The following C3 variants were observed in gnomAD, a reference collection of about 807,000 sequenced individuals.
C3 encodes C3 and PZP-like alpha-2-macroglobulin domain-containing protein 1.
In C3, 97 loss-of-function variants were observed where a neutral mutation model predicts 207.9. That is an observed-to-expected ratio of 0.47 (90% CI 0.40 to 0.55). C3 has a LOEUF of 0.55. C3 is among the 20% of genes least tolerant of loss of function. The probability of loss-of-function intolerance (pLI) is 0.00; values close to 1 mark genes in which losing one functional copy is unlikely to be tolerated. For missense variants in C3, 1,684 were observed against 2,171.7 expected, an observed-to-expected ratio of 0.78 and a Z score of 4.46; for synonymous variants, 848 against 857.6, an observed-to-expected ratio of 0.99 and a Z score of 0.20.
Position 6,692,932 on chromosome 19 carries a change from C to A in C3, c.3382G>T (p.Glu1128Ter). Residue 1128 changes from glutamate to a stop codon, truncating the protein, a stop_gained, in exon 26 of 41, where the codon GAA becomes TAA. Coordinates refer to ENST00000245907, the MANE Select transcript of C3 (RefSeq NM_000064.4). LOFTEE classifies it high-confidence loss of function. The part of the protein sequence containing the change: ...FQEDAPVIHQ[E>*]MIGGLRNNNE... ...AAATCCCAGCCTCTTACAATCATTTCTTGGTGTATCACGGGCGCATCCTCC... is the reference window on the plus strand; with the variant it reads ...AAATCCCAGCCTCTTACAATCATTTATTGGTGTATCACGGGCGCATCCTCC... 1 of 1,614,022 alleles carries A rather than the reference C, an allele frequency of 6.2e-7. No homozygotes were observed. Among genetic ancestry groups the A allele is most frequent in the Non-Finnish European group, 8.5e-7 (1 of 1,180,012 alleles).
chr19:6,710,515 GAA>G (rs1166880017), intron 13 of C3, 122 bp downstream of exon 13: 17 of 743,770 alleles, frequency 2.3e-5, no homozygotes, highest in Middle Eastern at 3.7e-4. Flanking sequence ...GAGAGGAAGA[GAA>G]GAGAGAGAAA....
intron 27 of C3, 84 bp from the exon 28 acceptor site, chr19:6,686,986 C>A: frequency 7.2e-7 from 1 of 1,395,408 alleles, no homozygotes. Context: ...ACTTCCTGAG[C>A]ATCAGGGATT....
rs1004622117 is a variant in C3 at position 6,690,541 on chromosome 19, T to C, written c.3489+88A>G. On this transcript the variant is annotated intron_variant, in intron 27 of 40. Transcript: ENST00000245907. ...GTTATTGCACTGGGAGAGCTGCAAA[T>C]TCCCTGAAGGCAACCTCTCACTCTC... The C allele has an allele frequency of 5.6e-5, 57 of 1,014,950 alleles. 1 individual carries two copies. Among genetic ancestry groups the C allele is most frequent in the Non-Finnish European group, 7.9e-5 (50 of 633,562 alleles). 62.9% of individuals were successfully genotyped at this position (1,014,950 alleles called of 1,614,324 possible).
In C3 at chr19:6,697,732, G is replaced by A. The variant is rs773167430; in HGVS notation, c.2503C>T (p.Leu835=). ...TCGTTTCGAACAACAGAGTAGGGTAGCCGCAGGTCGATGAAGAAGTCCTGC... is the reference window on the plus strand; with the variant it reads ...TCGTTTCGAACAACAGAGTAGGGTAACCGCAGGTCGATGAAGAAGTCCTGC... The part of the protein sequence containing the change: ...VMQDFFIDLR[L]PYSVVRNEQV... Residue 835 remains leucine, a synonymous_variant, in exon 20 of 41, where the codon CTA becomes TTA. Transcript: ENST00000245907. 3 of 1,614,070 alleles carry A rather than the reference G, an allele frequency of 1.9e-6. No individual in the cohort carries two copies. The South Asian group carries it at 3.3e-5, about 18-fold the overall frequency.
In C3 at chr19:6,697,083, C is replaced by T. The variant is rs2355317; in HGVS notation, c.2796+261G>A. Among the ~76,000 whole-genome samples the T allele has an allele frequency of 0.64, 80,567 of 125,472 alleles. 28,149 individuals carry two copies. The highest frequency in any genetic ancestry group is 0.84 in the East Asian group (3,885 of 4,600). 82.3% of individuals were successfully genotyped at this position (125,472 alleles called of 152,430 possible). A position where few individuals can be genotyped will look rare whatever the true frequency, so the allele number is the denominator to read the frequency against. ...AAATAAATAAATAAATAAAAAATTT[C>T]AAATCGAGTATAAAAAAATTATTGA... On this transcript the variant is annotated intron_variant, in intron 21 of 40. Transcript: ENST00000245907.
chr19:6,678,386 T>C lies in C3; in HGVS notation c.4700A>G (p.Gln1567Arg). 1 of 1,614,162 alleles carries C rather than the reference T, an allele frequency of 6.2e-7. No individual in the cohort carries two copies. Among genetic ancestry groups the C allele is most frequent in the South Asian group, 1.1e-5 (1 of 91,082 alleles). ...DFDEYIMAIE[Q>R]TIKSGSDEVQ... ...CTGAGCCTGACCTGACTTGATGGTC[T>C]GCTCAATGGCCATGATGTACTCGTC... The change falls in exon 39 of 41, where the codon CAG becomes CGG. Residue 1567 changes from glutamine to arginine, a missense_variant. By Grantham distance (43) the Gln-to-Arg change is conservative (BLOSUM62 1). Coordinates refer to ENST00000245907, the MANE Select transcript of C3 (RefSeq NM_000064.4).
chr19:6,682,428 G>A, intron 33 of C3, 199 bp from the exon 34 acceptor site: 6 of 585,238 alleles, frequency 1.0e-5, no homozygotes, highest in Non-Finnish European at 1.5e-5. Flanking sequence ...GTGATTAAGA[G>A]CTCAGACTCT....
intron 25 of C3, 52 bp from the exon 26 acceptor site, chr19:6,693,135 C>A: frequency 6.3e-7 from 1 of 1,598,682 alleles, no homozygotes; most frequent in South Asian, 1.1e-5. Context: ...CAGAGACTGC[C>A]ATGTCAACCA....
At chr19:6,693,164 G>A in intron 25 of C3, 81 bp from the exon 26 acceptor site, 1 of 1,525,540 alleles carries the variant, frequency 6.6e-7, no homozygotes, top group Middle Eastern at 2.0e-4. Context: ...GCGTGGGGGA[G>A]GGACCAGGGC....
At chr19:6,689,360 C>CCT (rs1218148901) in intron 27 of C3, among the ~76,000 whole-genome samples, 518 of 16,486 alleles carry the variant, frequency 0.031, 11 homozygotes, top group Non-Finnish European at 0.036. Flanking sequence ...TCCCTCCCTC[C>CCT]CTCTCTCTCT....
intron 19 of C3, among the ~76,000 whole-genome samples, chr19:6,698,826 G>A (rs960850358): frequency 1.3e-5 from 2 of 151,738 alleles, no homozygotes; most frequent in South Asian, 2.1e-4. Flanking sequence ...ATGGGGTCTC[G>A]CTCTGTCACC....
chr19:6,701,996 C>T (rs529975111), intron 19 of C3, 131 bp downstream of exon 19: 2 of 705,056 alleles, frequency 2.8e-6, no homozygotes, highest in African/African-American at 1.7e-5. Context: ...GGTAACAACA[C>T]CTCTGTGGTA....
Position 6,686,184 on chromosome 19 carries a change from A to G in C3, c.3750T>C (p.Pro1250=), listed in dbSNP as rs376918933. The G allele has an allele frequency of 1.7e-5, 27 of 1,614,048 alleles. No homozygotes were observed. Among genetic ancestry groups the G allele is most frequent in the Non-Finnish European group, 2.3e-5 (27 of 1,180,032 alleles). The change falls in exon 29 of 41, where the codon CCT becomes CCC. Residue 1250 remains proline, a synonymous_variant. Coordinates refer to ENST00000245907, the MANE Select transcript of C3 (RefSeq NM_000064.4). The part of the protein sequence containing the change: ...LLQLKDFDFV[P]PVVRWLNEQR... ...GTTCATTGAGCCAACGCACGACGGG[A>G]GGCACAAAGTCAAAGTCTTTTAGCT... is the stretch of plus-strand genomic sequence containing the variant.
At position 6,703,075 on chromosome 19, in the gene C3, T is replaced by A. The variant is rs983532693; in HGVS notation, c.2246-496A>T. On this transcript the variant is annotated intron_variant, in intron 17 of 40. Coordinates refer to ENST00000245907, the MANE Select transcript of C3 (RefSeq NM_000064.4). ...ACAAACAAAAAGAGAGCCGACCTAC[T>A]TCCTCAGCGGTCACACCTTTAGATC... 3.3e-5 allele frequency among the ~76,000 whole-genome samples: 5 copies of A among 152,134 alleles called. 1 individual carries two copies.
At position 6,682,480 on chromosome 19, in the gene C3, T is replaced by C. The variant is rs913837676; in HGVS notation, c.4173-251A>G. 10 of 481,836 alleles carry C rather than the reference T, an allele frequency of 2.1e-5. No individual in the cohort carries two copies. The East Asian group carries it at 2.4e-4, about 12-fold the overall frequency. The allele number at this position is 481,836 out of a possible 1,614,324, so 29.8% of individuals were successfully genotyped here. A position where few individuals can be genotyped will look rare whatever the true frequency, so the allele number is the denominator to read the frequency against. On this transcript the variant is annotated intron_variant, in intron 33 of 40. Transcript: ENST00000245907. ...ATTCAAATTCCAGCTCTAAATAACA[T>C]TGGATGCATTATTTGACCCTCCATG...
chr19:6,695,570 C>T (rs1399160359), intron 23 of C3, among the ~76,000 whole-genome samples: 1 of 152,052 alleles, frequency 6.6e-6, no homozygotes, highest in Non-Finnish European at 1.5e-5. Flanking sequence ...ACCTACGCCT[C>T]CCACGTTCAA....
At chr19:6,717,969 A>C (rs1401713106) in intron 4 of C3, 125 bp downstream of exon 4, 3 of 895,334 alleles carry the variant, frequency 3.4e-6, no homozygotes, top group East Asian at 2.4e-5. Context: ...GTGTCTGCAT[A>C]TCTCTTTGCC....
chr19:6,720,173 C>T (rs1265045086), intron 1 of C3, among the ~76,000 whole-genome samples: 2 of 152,118 alleles, frequency 1.3e-5, no homozygotes. Flanking sequence ...ATTCCACAAA[C>T]ACCCAACCCA....
intron 17 of C3, among the ~76,000 whole-genome samples, chr19:6,703,840 C>T (rs1486657948): frequency 1.3e-5 from 2 of 151,926 alleles, no homozygotes; most frequent in Non-Finnish European, 2.9e-5. Flanking sequence ...CCCAGCTACT[C>T]GGGAGGCTGA....
Sources: allele counts gnomAD v4.1 joint callset (sites outside exome capture counted in the v4.1 genomes callset), GRCh38; gene constraint gnomAD v4.1.1; transcripts MANE v1.5; gene names NCBI Gene and HGNC (gene_info 2026-07-23, HGNC 2026-07-21).